FOCAD: variants seen among roughly 807,000 people sequenced by gnomAD.
FOCAD encodes the protein KIAA1797.
In FOCAD, 198 loss-of-function variants were observed where a neutral mutation model predicts 225.6. The ratio of observed to expected loss-of-function variants is 0.88; its 90% confidence interval spans 0.78 to 0.99. The LOEUF (loss-of-function observed/expected upper bound fraction) is 0.99, where lower values mean the gene tolerates loss of function less well. Among genes scored for constraint, FOCAD ranks in the 50% least tolerant of loss-of-function variants. The pLI is 0.00. For missense variants in FOCAD, 2,713 were observed against 2,123.6 expected, an observed-to-expected ratio of 1.28 and a Z score of -5.46; for synonymous variants, 897 against 755.0, an observed-to-expected ratio of 1.19 and a Z score of -3.08.
intron 21 of FOCAD, among the ~76,000 whole-genome samples, chr9:20,892,324 T>C (rs1831682746): frequency 6.6e-6 from 1 of 152,190 alleles, no homozygotes; most frequent in African/African-American, 2.4e-5. Context: ...ATAGCTGGCA[T>C]AGATAGTGAT....
At position 20,923,781 on chromosome 9, in the gene FOCAD, G is replaced by A; in HGVS notation, c.2961+13G>A. ...CGGGCTCCTGGAGGTTAGTTGGGGT[G>A]ATTTAAACAATTGGCTTTGATTATG... On this transcript the variant is annotated intron_variant, in intron 25 of 43. Coordinates refer to ENST00000338382, the MANE Select transcript of FOCAD (RefSeq NM_001375567.1). 7.5e-6 allele frequency: 12 copies of A among 1,593,790 alleles called. No individual in the cohort carries two copies. The highest frequency in any genetic ancestry group is 1.0e-5 in the Non-Finnish European group (12 of 1,162,564).
chr9:20,741,597 C>T (rs1827616316), intron 5 of FOCAD, among the ~76,000 whole-genome samples: 1 of 144,528 alleles, frequency 6.9e-6, no homozygotes, highest in African/African-American at 2.6e-5. Flanking sequence ...ATAAGGGAAG[C>T]AAAAGGAAAA....
intron 18 of FOCAD, among the ~76,000 whole-genome samples, chr9:20,868,681 T>C (rs1036377030): frequency 1.3e-5 from 2 of 152,078 alleles, no homozygotes; most frequent in African/African-American, 4.8e-5. Context: ...CTATAAGGCG[T>C]ATCCTTTTGT....
intron 11 of FOCAD, among the ~76,000 whole-genome samples, chr9:20,794,625 T>G (rs1238697039): frequency 6.6e-6 from 1 of 152,166 alleles, no homozygotes; most frequent in Non-Finnish European, 1.5e-5. Context: ...TGATAATTTA[T>G]CAATACCATA....
intron 25 of FOCAD, 128 bp downstream of exon 25, chr9:20,923,896 C>A: frequency 1.5e-6 from 1 of 656,550 alleles, no homozygotes; most frequent in Non-Finnish European, 2.7e-6. Context: ...ACTTGATGGG[C>A]CTTTATACTG....
At chr9:20,962,967 A>G (rs900612769) in intron 35 of FOCAD, among the ~76,000 whole-genome samples, 1 of 152,210 alleles carries the variant, frequency 6.6e-6, no homozygotes, top group African/African-American at 2.4e-5. Flanking sequence ...TGGGGAAGGA[A>G]CTAGTTCACT....
intron 40 of FOCAD, among the ~76,000 whole-genome samples, chr9:20,987,974 A>T (rs1485616897): frequency 3.9e-5 from 6 of 152,230 alleles, no homozygotes; most frequent in Admixed American, 3.3e-4. Context: ...GAACTATAAA[A>T]ACAAATAATT....
intron 1 of FOCAD, among the ~76,000 whole-genome samples, chr9:20,687,014 C>G (rs903588291): frequency 3.0e-4 from 46 of 150,864 alleles, no homozygotes; most frequent in Admixed American, 6.6e-4. Context: ...TTTTTTTCCC[C>G]CTACTCAGGT....
chr9:20,851,831 GC>G (rs1330307679), intron 15 of FOCAD, among the ~76,000 whole-genome samples: 1 of 151,866 alleles, frequency 6.6e-6, no homozygotes, highest in Non-Finnish European at 1.5e-5. Context: ...TTCCAATCCA[GC>G]CCACTACCTT....
At chr9:20,815,401 T>G (rs887761859) in intron 11 of FOCAD, among the ~76,000 whole-genome samples, 5 of 151,094 alleles carry the variant, frequency 3.3e-5, no homozygotes, top group Non-Finnish European at 7.4e-5. Context: ...CACCTCGGCC[T>G]CCCAAAGTGT....
chr9:20,941,776 C>G (rs13295748), intron 28 of FOCAD, among the ~76,000 whole-genome samples: 37,013 of 152,098 alleles, frequency 0.24, 4,874 homozygotes, highest in Middle Eastern at 0.35. Context: ...GTTTTTATTT[C>G]CTCTGTTGGA....
At chr9:20,744,798 T>G (rs2131693240) in intron 5 of FOCAD, among the ~76,000 whole-genome samples, 1 of 152,280 alleles carries the variant, frequency 6.6e-6, no homozygotes, top group Admixed American at 6.5e-5. Flanking sequence ...TAAATAAAGT[T>G]TTTATGTGAA....
intron 8 of FOCAD, among the ~76,000 whole-genome samples, chr9:20,777,312 T>G: frequency 6.7e-6 from 1 of 149,932 alleles, no homozygotes; most frequent in East Asian, 1.9e-4. Context: ...GGGTTTTTTT[T>G]TTTTTTTTTT....
chr9:20,928,882 AC>A (rs1564165115), intron 26 of FOCAD: 1 of 152,726 alleles, frequency 6.5e-6, no homozygotes, highest in African/African-American at 2.4e-5. Flanking sequence ...GCTTCTCCAT[AC>A]TAAACTTAAA....
At chr9:20,990,549 C>T (rs994213349) in intron 42 of FOCAD, among the ~76,000 whole-genome samples, 175 bp downstream of exon 42, 1 of 152,196 alleles carries the variant, frequency 6.6e-6, no homozygotes, top group African/African-American at 2.4e-5. Flanking sequence ...AGCCCAGGCT[C>T]GGGGCAACTG....
rs952229850 is a variant in FOCAD at position 20,918,531 on chromosome 9, G to A, written c.2852+1594G>A. Reference sequence around the variant, plus strand: ...GAGGTCAGGAGATCGAGACCATCCCGGCTAAAACGGTGAAACCCCGTCTCT... The same window carrying A: ...GAGGTCAGGAGATCGAGACCATCCCAGCTAAAACGGTGAAACCCCGTCTCT... On this transcript the variant is annotated intron_variant, in intron 24 of 43. Transcript: ENST00000338382. Among the ~76,000 whole-genome samples the A allele has an allele frequency of 5.9e-5, 9 of 152,026 alleles. No homozygotes were observed. In the South Asian group the frequency reaches 8.3e-4, roughly 14 times the overall value.
chr9:20,782,905 C>G (rs960649498), intron 10 of FOCAD, among the ~76,000 whole-genome samples: 1 of 152,166 alleles, frequency 6.6e-6, no homozygotes, highest in Non-Finnish European at 1.5e-5. Flanking sequence ...TTCCTAAATC[C>G]TAATTGTTTG....
chr9:20,685,792 A>C (rs918109798), intron 1 of FOCAD, among the ~76,000 whole-genome samples: 1 of 152,084 alleles, frequency 6.6e-6, no homozygotes. Flanking sequence ...ATTAACCCCA[A>C]ATTTACTGGA....
intron 10 of FOCAD, among the ~76,000 whole-genome samples, chr9:20,782,455 A>G (rs1365169217): frequency 6.6e-6 from 1 of 152,186 alleles, no homozygotes; most frequent in Admixed American, 6.5e-5. Context: ...CAACTGGAAG[A>G]CAACAGGCCT....
Sources: allele counts gnomAD v4.1 joint callset (sites outside exome capture counted in the v4.1 genomes callset), GRCh38; gene constraint gnomAD v4.1.1; transcripts MANE v1.5; gene names NCBI Gene and HGNC (gene_info 2026-07-23, HGNC 2026-07-21).